The following MTREX variants were observed in gnomAD, a reference collection of about 807,000 sequenced individuals.
MTREX encodes the protein Mtr4 exosome RNA helicase.
A neutral mutation model predicts 135.4 loss-of-function variants in MTREX; 76 were observed. The observed-to-expected ratio is 0.56, with a 90% CI of 0.47 to 0.68. The LOEUF is 0.68. MTREX is among the 30% of genes least tolerant of loss of function. The pLI, the probability that MTREX is intolerant of heterozygous loss-of-function variation, is 0.00. For missense variants in MTREX, 920 were observed against 1,262.1 expected (o/e 0.73, Z 4.11); for synonymous variants, 404 against 401.6 (o/e 1.01, Z -0.07).
At chr5:55,370,897 G>A (rs933370675) in intron 16 of MTREX, among the ~76,000 whole-genome samples, 4 of 152,120 alleles carry the variant, frequency 2.6e-5, no homozygotes, top group African/African-American at 9.7e-5. Context: ...ATTGTCTTTG[G>A]AAGTGTAGAA....
At chr5:55,329,956 T>C (rs553092796) in intron 5 of MTREX, among the ~76,000 whole-genome samples, 2 of 152,138 alleles carry the variant, frequency 1.3e-5, no homozygotes, top group East Asian at 3.9e-4. Flanking sequence ...ACTGATACTA[T>C]ATTCATTTTT....
chr5:55,351,997 T>TC (rs531412826), intron 13 of MTREX, among the ~76,000 whole-genome samples: 53 of 149,022 alleles, frequency 3.6e-4, no homozygotes, highest in Admixed American at 2.1e-3. Context: ...AATTTTTTTT[T>TC]CTTGTTTTTT....
chr5:55,308,043 C>G lies in MTREX; in HGVS notation c.30C>G (p.Phe10Leu). MADAFGDEL[F>L]SVFEGDSTTA... Reference sequence around the variant, plus strand: ...CGGACGCATTCGGAGATGAGCTGTTCAGCGTGTTCGAGGGCGACTCGACCA... The same window carrying G: ...CGGACGCATTCGGAGATGAGCTGTTGAGCGTGTTCGAGGGCGACTCGACCA... The change falls in exon 1 of 27, where the codon TTC becomes TTG. Residue 10 changes from phenylalanine to leucine, a missense_variant. Phe to Leu is a conservative substitution (Grantham distance 22). Transcript: ENST00000230640. 6.2e-7 allele frequency: 1 copy of G among 1,614,104 alleles called. No homozygotes were observed. The highest frequency in any genetic ancestry group is 1.1e-5 in the South Asian group (1 of 91,074).
chr5:55,381,214 T>A (rs1248200552), intron 18 of MTREX, among the ~76,000 whole-genome samples: 3 of 151,914 alleles, frequency 2.0e-5, no homozygotes, highest in Non-Finnish European at 2.9e-5. Flanking sequence ...GTTTTACTGA[T>A]TTTTTTTCCC....
chr5:55,321,245 CAA>C (rs1195756960), intron 1 of MTREX, among the ~76,000 whole-genome samples: 2 of 151,910 alleles, frequency 1.3e-5, no homozygotes, highest in Admixed American at 6.6e-5. Context: ...ATTCTGAAAC[CAA>C]AAAGTTTGAG....
At chr5:55,327,922 A>G (rs926401054) in intron 4 of MTREX, 144 bp downstream of exon 4, 1 of 567,800 alleles carries the variant, frequency 1.8e-6, no homozygotes, top group African/African-American at 1.9e-5. Context: ...AAATATAATG[A>G]GAACTGAATC....
At chr5:55,333,272 T>G (rs1749504757) in intron 5 of MTREX, among the ~76,000 whole-genome samples, 1 of 152,182 alleles carries the variant, frequency 6.6e-6, no homozygotes, top group Non-Finnish European at 1.5e-5. Context: ...TTAAACACAT[T>G]ATGGTTCTCT....
At chr5:55,310,046 A>G (rs1749085737) in intron 1 of MTREX, among the ~76,000 whole-genome samples, 2 of 152,236 alleles carry the variant, frequency 1.3e-5, no homozygotes, top group Non-Finnish European at 2.9e-5. Flanking sequence ...CTATGATATT[A>G]TGAAGACAAT....
chr5:55,405,467 G>T lies in MTREX; in HGVS notation c.2524G>T (p.Ala842Ser). 2 of 1,613,894 alleles carry T rather than the reference G, an allele frequency of 1.2e-6. No homozygotes were observed. Among genetic ancestry groups the T allele is most frequent in the Non-Finnish European group, 1.7e-6 (2 of 1,179,866 alleles). Residue 842 changes from alanine (A) to serine (S), a missense_variant, in exon 22 of 27, where the codon GCA becomes TCA. Transcript: ENST00000230640. Reference sequence around the variant, plus strand: ...ATCTGCAAAGCGAGAACTGAAGAAAGCAAGAACAGTCCTACAAATGGATGA... The same window carrying T: ...ATCTGCAAAGCGAGAACTGAAGAAATCAAGAACAGTCCTACAAATGGATGA... Reference protein sequence around the residue: ...IKSAKRELKKARTVLQMDELK... With the variant: ...IKSAKRELKKSRTVLQMDELK...
At chr5:55,393,875 TTTAAC>T (rs1376966000) in intron 19 of MTREX, among the ~76,000 whole-genome samples, 2 of 152,376 alleles carry the variant, frequency 1.3e-5, no homozygotes, top group Admixed American at 6.5e-5. Flanking sequence ...TTTTTAAACA[TTTAAC>T]TTCTTGTTTA....
chr5:55,380,263 A>G (rs913228182), intron 18 of MTREX, among the ~76,000 whole-genome samples: 11 of 152,080 alleles, frequency 7.2e-5, no homozygotes, highest in Non-Finnish European at 1.3e-4. Context: ...AAACAGTTCT[A>G]TGGAGATGAT....
rs951702529 is a variant in MTREX at position 55,387,593 on chromosome 5, A to G, written c.2053-381A>G. Among the ~76,000 whole-genome samples, 4 of 152,116 alleles carry G rather than the reference A, an allele frequency of 2.6e-5. No homozygotes were observed. The East Asian group carries it at 7.7e-4, about 29-fold the overall frequency. The stretch of plus-strand genomic sequence containing the variant: ...AGACAATAAAAATTGGAACCACATT[A>G]TAGAAATGCTAGCATAATAAGCAAT... On this transcript the variant is annotated intron_variant, in intron 18 of 26. Transcript: ENST00000230640.
At chr5:55,346,529 C>T (rs1013841406) in intron 10 of MTREX, among the ~76,000 whole-genome samples, 2 of 152,136 alleles carry the variant, frequency 1.3e-5, no homozygotes, top group African/African-American at 4.8e-5. Context: ...TATAGTCATC[C>T]TATTGAATGT....
At chr5:55,354,195 T>G (rs1465138897) in intron 14 of MTREX, among the ~76,000 whole-genome samples, 2 of 152,188 alleles carry the variant, frequency 1.3e-5, no homozygotes, top group Non-Finnish European at 2.9e-5. Context: ...TCTTGACAGA[T>G]ATACAATAAA....
chr5:55,404,149 T>G lies in MTREX; in HGVS notation c.2482-1276T>G, dbSNP rs529842811. On this transcript the variant is annotated intron_variant, in intron 21 of 26. Transcript: ENST00000230640. ...TGATCACCTTCATAATTTTTCCTCC[T>G]TAGTAGAAGTTTAATAAACAGTCTA... Among the ~76,000 whole-genome samples, 7 of 152,328 alleles carry G rather than the reference T, an allele frequency of 4.6e-5. No individual in the cohort carries two copies. The South Asian group carries it at 1.2e-3, about 27-fold the overall frequency.
intron 16 of MTREX, among the ~76,000 whole-genome samples, chr5:55,373,263 C>G (rs1169083992): frequency 2.0e-5 from 3 of 150,400 alleles, no homozygotes; most frequent in Admixed American, 6.6e-5. Context: ...TATAGAGAGA[C>G]CCAAAAATTT....
chr5:55,371,970 TA>T (rs971644205), intron 16 of MTREX, among the ~76,000 whole-genome samples: 1 of 152,130 alleles, frequency 6.6e-6, no homozygotes, highest in African/African-American at 2.4e-5. Context: ...TGGAGTGATA[TA>T]AAAAAGAAAA....
At chr5:55,382,100 T>A (rs2112102950) in intron 18 of MTREX, among the ~76,000 whole-genome samples, 1 of 152,274 alleles carries the variant, frequency 6.6e-6, no homozygotes, top group Non-Finnish European at 1.5e-5. Flanking sequence ...TTTTTTTTAA[T>A]CCAATCTGAA....
At chr5:55,333,238 A>G (rs1032365730) in intron 5 of MTREX, among the ~76,000 whole-genome samples, 1 of 152,158 alleles carries the variant, frequency 6.6e-6, no homozygotes, top group African/African-American at 2.4e-5. Context: ...CAGTTGCAGA[A>G]TAGTCTTTAT....
Sources: gnomAD v4.1 joint callset for allele counts (sites outside exome capture counted in the v4.1 genomes callset) on GRCh38, gnomAD v4.1.1 for gene constraint, MANE v1.5 for transcripts, NCBI Gene and HGNC (gene_info 2026-07-23, HGNC 2026-07-21) for gene names.